Variants in SMAP1 observed in about 807,000 individuals in gnomAD.
SMAP1 encodes the protein small ArfGAP 1.
SMAP1 carries 24 observed loss-of-function variants against 58.5 expected under a neutral mutation model. The observed-to-expected ratio is 0.41, with a 90% CI of 0.30 to 0.58. The LOEUF (loss-of-function observed/expected upper bound fraction) is 0.58, where lower values mean the gene tolerates loss of function less well. SMAP1 is among the 20% of genes least tolerant of loss of function. SMAP1 has a pLI of 0.29. For synonymous variants in SMAP1, 216 were observed against 196.6 expected, an observed-to-expected ratio of 1.10 and a Z score of -0.82; for missense variants, 563 against 566.3, an observed-to-expected ratio of 0.99 and a Z score of 0.06.
chr6:70,786,966 A>G (rs1768068187), intron 4 of SMAP1, among the ~76,000 whole-genome samples: 2 of 152,190 alleles, frequency 1.3e-5, no homozygotes, highest in South Asian at 4.1e-4. Flanking sequence ...GTTCATATGG[A>G]ACCAAAAAAG....
chr6:70,669,420 C>T (rs906484453), intron 1 of SMAP1, among the ~76,000 whole-genome samples: 3 of 152,138 alleles, frequency 2.0e-5, no homozygotes, highest in African/African-American at 4.8e-5. Flanking sequence ...AAGAATCATG[C>T]GGGAATACTG....
At chr6:70,706,430 T>G (rs1368796106) in intron 1 of SMAP1, among the ~76,000 whole-genome samples, 1 of 152,194 alleles carries the variant, frequency 6.6e-6, no homozygotes, top group African/African-American at 2.4e-5. Flanking sequence ...TTGTCTTTTT[T>G]CATGGTTTCA....
intron 1 of SMAP1, among the ~76,000 whole-genome samples, chr6:70,715,499 G>A (rs1380651472): frequency 6.6e-5 from 10 of 152,116 alleles, no homozygotes; most frequent in African/African-American, 2.4e-4. Context: ...TTATGTCTTT[G>A]AATGTGTTTT....
chr6:70,834,006 G>A (rs1415018540), intron 6 of SMAP1, among the ~76,000 whole-genome samples: 3 of 152,172 alleles, frequency 2.0e-5, no homozygotes, highest in African/African-American at 7.2e-5. Context: ...AAGATGAGAA[G>A]CTTTTAGAAC....
At chr6:70,754,648 A>AC (rs1766411034) in intron 2 of SMAP1, among the ~76,000 whole-genome samples, 3 of 152,106 alleles carry the variant, frequency 2.0e-5, no homozygotes, top group Non-Finnish European at 4.4e-5. Context: ...GTGGTGCACT[A>AC]GAAAAAATGG....
chr6:70,814,411 G>A (rs1341428046), intron 6 of SMAP1, among the ~76,000 whole-genome samples: 3 of 152,074 alleles, frequency 2.0e-5, no homozygotes, highest in African/African-American at 7.2e-5. Context: ...TGATAGCAGT[G>A]GATGTAATAA....
chr6:70,837,665 TCTC>T (rs1463790484), intron 7 of SMAP1: 41 of 409,334 alleles, frequency 1.0e-4, no homozygotes, highest in African/African-American at 2.6e-4. Context: ...CTTCTCTCTC[TCTC>T]TTTTTTTTTT....
chr6:70,713,479 T>C (rs1768142562), intron 1 of SMAP1, among the ~76,000 whole-genome samples: 1 of 152,216 alleles, frequency 6.6e-6, no homozygotes, highest in Non-Finnish European at 1.5e-5. Flanking sequence ...TATCCTGAGA[T>C]ATTTAAAAAA....
At chr6:70,765,840 A>C (rs1292867806) in intron 3 of SMAP1, among the ~76,000 whole-genome samples, 1 of 151,660 alleles carries the variant, frequency 6.6e-6, no homozygotes. Flanking sequence ...GGTGTGCTGC[A>C]CCCATTAACT....
chr6:70,856,762 T>A, intron 8 of SMAP1, 97 bp from the exon 9 acceptor site: 2 of 1,260,530 alleles, frequency 1.6e-6, no homozygotes, highest in Non-Finnish European at 2.2e-6. Flanking sequence ...ATTGTTTGAT[T>A]CCTATCTAAT....
chr6:70,856,098 C>A (rs1021746129), intron 8 of SMAP1, among the ~76,000 whole-genome samples: 2 of 152,174 alleles, frequency 1.3e-5, no homozygotes, highest in African/African-American at 4.8e-5. Flanking sequence ...CTTTGAAACT[C>A]TCTTCATATT....
intron 2 of SMAP1, among the ~76,000 whole-genome samples, chr6:70,733,132 T>A (rs1765491702): frequency 1.3e-5 from 2 of 152,342 alleles, no homozygotes; most frequent in South Asian, 4.1e-4. Context: ...CTGGTCTTAT[T>A]ATGTAATTCA....
intron 1 of SMAP1, among the ~76,000 whole-genome samples, chr6:70,714,575 G>A (rs561646100): frequency 6.6e-6 from 1 of 151,392 alleles, no homozygotes; most frequent in East Asian, 2.0e-4. Flanking sequence ...GTTGTTTTTA[G>A]TACTTTTATC....
chr6:70,675,206 T>A (rs1470210468), intron 1 of SMAP1, among the ~76,000 whole-genome samples: 1 of 147,184 alleles, frequency 6.8e-6, no homozygotes, highest in African/African-American at 2.5e-5. Flanking sequence ...GTGTTTTTTT[T>A]TTTTTTTTTT....
chr6:70,729,472 T>TGC (rs1765335882), intron 1 of SMAP1, among the ~76,000 whole-genome samples: 1 of 149,456 alleles, frequency 6.7e-6, no homozygotes, highest in Non-Finnish European at 1.5e-5. Flanking sequence ...TGTGTGTGTG[T>TGC]GTGTGTGTGT....
chr6:70,784,948 T>G (rs1014535687), intron 4 of SMAP1, among the ~76,000 whole-genome samples: 1 of 152,064 alleles, frequency 6.6e-6, no homozygotes. Flanking sequence ...CTGCACCAAG[T>G]GGACCTAATA....
intron 2 of SMAP1, among the ~76,000 whole-genome samples, chr6:70,753,649 C>T (rs540360436): frequency 3.8e-4 from 58 of 152,100 alleles, no homozygotes; most frequent in Non-Finnish European, 6.6e-4. Context: ...CTAGTAGCCA[C>T]TGTGATGTCA....
At chr6:70,833,661 T>C (rs2149994787) in intron 6 of SMAP1, among the ~76,000 whole-genome samples, 1 of 152,314 alleles carries the variant, frequency 6.6e-6, no homozygotes, top group South Asian at 2.1e-4. Flanking sequence ...TGCTAAGAAA[T>C]ACATTTTACA....
intron 1 of SMAP1, among the ~76,000 whole-genome samples, chr6:70,697,662 T>C (rs1185090794): frequency 6.6e-6 from 1 of 152,214 alleles, no homozygotes; most frequent in African/African-American, 2.4e-5. Flanking sequence ...AATTCATTGC[T>C]TTTTATTTTT....
Sources: gnomAD v4.1 joint callset for allele counts (sites outside exome capture counted in the v4.1 genomes callset) on GRCh38, gnomAD v4.1.1 for gene constraint, MANE v1.5 for transcripts, NCBI Gene and HGNC (gene_info 2026-07-23, HGNC 2026-07-21) for gene names.